SLC17A2: variants seen among roughly 807,000 people sequenced by gnomAD.
The protein encoded by SLC17A2 is solute carrier family 17 member 2, also known as sodium-dependent phosphate transport protein 3.
SLC17A2 carries 38 observed loss-of-function variants against 52.1 expected under a neutral mutation model. The ratio of observed to expected loss-of-function variants is 0.73; its 90% confidence interval spans 0.56 to 0.96. SLC17A2 has a LOEUF of 0.96. Among genes scored for constraint, SLC17A2 ranks in the 40% least tolerant of loss-of-function variants. The pLI is 0.00. For synonymous variants in SLC17A2, 226 were observed against 211.9 expected, an observed-to-expected ratio of 1.07 and a Z score of -0.58; for missense variants, 508 against 583.9, an observed-to-expected ratio of 0.87 and a Z score of 1.34.
intron 1 of SLC17A2, 149 bp from the exon 2 acceptor site, chr6:25,926,028 G>A: frequency 1.7e-6 from 1 of 596,288 alleles, no homozygotes; most frequent in Non-Finnish European, 3.0e-6. Context: ...TTGGTTACAG[G>A]ATTGTTAAAA....
intron 5 of SLC17A2, among the ~76,000 whole-genome samples, chr6:25,919,341 A>G (rs1385813023): frequency 1.3e-5 from 2 of 152,210 alleles, no homozygotes; most frequent in Non-Finnish European, 2.9e-5. Context: ...AAAAAGATGT[A>G]AAATATAAAT....
Position 25,930,408 on chromosome 6 carries a change from T to C in SLC17A2, c.-215A>G, listed in dbSNP as rs1433562306. 1 of 152,230 alleles carries C rather than the reference T, an allele frequency of 6.6e-6. No individual in the cohort carries two copies. Among genetic ancestry groups the C allele is most frequent in the Non-Finnish European group, 1.5e-5 (1 of 68,038 alleles). 9.4% of individuals were successfully genotyped at this position (152,230 alleles called of 1,614,324 possible). ...CTCTTCATTTTGGAATTAGGCAATA[T>C]TACCAGATGGAGATCCTTATGTTGC... On this transcript the variant is annotated 5_prime_UTR_variant, in exon 1 of 12. Transcript: ENST00000377850.
intron 2 of SLC17A2, among the ~76,000 whole-genome samples, chr6:25,924,505 A>G (rs900517553): frequency 2.0e-5 from 3 of 151,564 alleles, no homozygotes; most frequent in African/African-American, 7.3e-5. Context: ...CATATGTTCA[A>G]CTTAAAAAAA....
intron 1 of SLC17A2, among the ~76,000 whole-genome samples, chr6:25,928,461 C>A (rs1018285503): frequency 6.6e-6 from 1 of 151,994 alleles, no homozygotes; most frequent in Non-Finnish European, 1.5e-5. Context: ...TATCACAAAC[C>A]CATCACTTTA....
chr6:25,924,369 G>T (rs940836453), intron 2 of SLC17A2, among the ~76,000 whole-genome samples: 1 of 152,254 alleles, frequency 6.6e-6, no homozygotes, highest in Middle Eastern at 3.4e-3. Flanking sequence ...TTAAGGTATT[G>T]CACATCCAAG....
In SLC17A2 at chr6:25,915,731, C is replaced by A; in HGVS notation, c.1063+5G>T. On this transcript the variant is annotated splice_donor_5th_base_variant and intron_variant, in intron 9 of 11. Coordinates refer to ENST00000377850, the MANE Select transcript of SLC17A2 (RefSeq NM_001286123.3). ...GGTTAAATGGGCCCACACGCTTATC[C>A]TTACCAAGAGATGAAAAGAGCTTTC... The A allele has an allele frequency of 6.2e-7, 1 of 1,613,904 alleles. No homozygotes were observed. The highest frequency in any genetic ancestry group is 1.7e-5 in the Admixed American group (1 of 59,976).
chr6:25,924,178 T>C (rs1766668219), intron 2 of SLC17A2, among the ~76,000 whole-genome samples: 1 of 152,122 alleles, frequency 6.6e-6, no homozygotes, highest in Non-Finnish European at 1.5e-5. Flanking sequence ...AACCCACATG[T>C]AAGGCATTTA....
Position 25,915,177 on chromosome 6 carries a change from A to ATATATATATATATATATATATATG in SLC17A2, c.1211+321_1211+322insCATATATATATATATATATATATA, listed in dbSNP as rs1554137783. ...TATATATATATATATATATATATATATGGTAGCTAATATGAACAACACCAT... is the reference window on the plus strand; with the variant it reads ...TATATATATATATATATATATATATATATATATATATATATATATATATGTGGTAGCTAATATGAACAACACCAT... On this transcript the variant is annotated intron_variant, in intron 10 of 11. Coordinates refer to ENST00000377850, the MANE Select transcript of SLC17A2 (RefSeq NM_001286123.3). 8.4e-3 allele frequency among the ~76,000 whole-genome samples: 908 copies of ATATATATATATATATATATATATG among 107,884 alleles called. 110 individuals are homozygous for ATATATATATATATATATATATATG. Among genetic ancestry groups the ATATATATATATATATATATATATG allele is most frequent in the Non-Finnish European group, 0.014 (665 of 49,182 alleles). 70.8% of individuals were successfully genotyped at this position (107,884 alleles called of 152,430 possible).
intron 1 of SLC17A2, among the ~76,000 whole-genome samples, chr6:25,927,562 C>T (rs1766810391): frequency 6.6e-6 from 1 of 152,140 alleles, no homozygotes; most frequent in Admixed American, 6.6e-5. Context: ...TTAGTAGATA[C>T]TCATTTTATA....
chr6:25,921,516 G>C, intron 3 of SLC17A2, 104 bp from the exon 4 acceptor site: 1 of 733,164 alleles, frequency 1.4e-6, no homozygotes, highest in Non-Finnish European at 2.2e-6. Context: ...ATAAAATATT[G>C]ATTTTTGTTT....
chr6:25,924,048 C>T (rs1766662737), intron 2 of SLC17A2, 142 bp from the exon 3 acceptor site: 1 of 662,118 alleles, frequency 1.5e-6, no homozygotes, highest in East Asian at 2.7e-5. Context: ...GCCAGCACTA[C>T]AAACCCACTT....
At position 25,918,529 on chromosome 6, in the gene SLC17A2, T is replaced by C. The variant is rs1186524036; in HGVS notation, c.607A>G (p.Ile203Val). The C allele has an allele frequency of 6.2e-7, 1 of 1,613,766 alleles. No individual in the cohort carries two copies. Among genetic ancestry groups the C allele is most frequent in the South Asian group, 1.1e-5 (1 of 91,064 alleles). Residue 203 changes from isoleucine (I) to valine (V), a missense_variant, in exon 6 of 12, where the codon ATC (isoleucine) becomes GTC (valine). Coordinates refer to ENST00000377850, the MANE Select transcript of SLC17A2 (RefSeq NM_001286123.3). Reference sequence around the variant, plus strand: ...AAAGGCCAGCTCAAGGCCTGTGAGATTAGTCCCCCCACACAGAGGATGATG... The same window carrying C: ...AAAGGCCAGCTCAAGGCCTGTGAGACTAGTCCCCCCACACAGAGGATGATG... ...SFIILCVGGL[I>V]SQALSWPFIF...
At chr6:25,916,911 T>C (rs370378494) in intron 7 of SLC17A2, 58 bp downstream of exon 7, 1 of 1,608,214 alleles carries the variant, frequency 6.2e-7, no homozygotes, top group African/African-American at 1.3e-5. Flanking sequence ...TCAGAGGAGA[T>C]CCACACCCTG....
chr6:25,913,236 TG>T lies in SLC17A2; in HGVS notation c.*80del. On this transcript the variant is annotated 3_prime_UTR_variant, in exon 12 of 12. Coordinates refer to ENST00000377850, the MANE Select transcript of SLC17A2 (RefSeq NM_001286123.3). The stretch of plus-strand genomic sequence containing the variant: ...CCAGAGTTAAGAACTGCTGAGTCTA[TG>T]GTCAGGAATATGGAGAGAAGTAAAA... 1 of 1,474,848 alleles carries T rather than the reference TG, an allele frequency of 6.8e-7. No homozygotes were observed. The highest frequency in any genetic ancestry group is 9.5e-7 in the Non-Finnish European group (1 of 1,055,110). The allele number at this position is 1,474,848 out of a possible 1,614,324, so 91.4% of individuals were successfully genotyped here. A position where few individuals can be genotyped will look rare whatever the true frequency, so the allele number is the denominator to read the frequency against.
rs1441484058 is a variant in SLC17A2 at position 25,923,698 on chromosome 6, T to C, written c.237A>G (p.Thr79=). Residue 79 remains threonine, a synonymous_variant, in exon 3 of 12, where the codon ACA becomes ACG. Transcript: ENST00000377850. ...NSSISIKEFD[T]KASVYQWSPE... ...CCCTATTTTCCATCATACTTACCTT[T>C]GTATCAAATTCCTTGATGGATATGC... The C allele has an allele frequency of 6.2e-7, 1 of 1,613,296 alleles. No individual in the cohort carries two copies. The highest frequency in any genetic ancestry group is 8.5e-7 in the Non-Finnish European group (1 of 1,179,268).
In SLC17A2 at chr6:25,916,766, G is replaced by GA. The variant is rs1037820299; in HGVS notation, c.848dup (p.Ser284GlnfsTer24). 29 of 1,614,046 alleles carry GA rather than the reference G, an allele frequency of 1.8e-5. No homozygotes were observed. Among genetic ancestry groups the GA allele is most frequent in the Non-Finnish European group, 2.5e-5 (29 of 1,179,932 alleles). Reference sequence around the variant, plus strand: ...TGATGGTGCACAACCAGAAATGGCTGAAAAAACCCAGGAAAATGGCCCAAA... The same window carrying GA: ...TGATGGTGCACAACCAGAAATGGCTGAAAAAAACCCAGGAAAATGGCCCAAA... On this transcript the variant is annotated frameshift_variant, in exon 8 of 12. Transcript: ENST00000377850. LOFTEE classifies it high-confidence loss of function.
chr6:25,915,857 C>G lies in SLC17A2; in HGVS notation c.942G>C (p.Leu314=). The change falls in exon 9 of 12, where the codon CTG becomes CTC. Residue 314 remains leucine (L), a synonymous_variant. Transcript: ENST00000377850. ...LHVNIRDSGV[L]SSLPFIAAAS... is the part of the protein sequence containing the mutation. ...CAGCAGCAATAAAAGGCAGGGAGGA[C>G]AGAACTCCACTCTGAAGGAAGGAAG... 6.2e-7 allele frequency: 1 copy of G among 1,613,570 alleles called. No individual in the cohort carries two copies. Among genetic ancestry groups the G allele is most frequent in the Non-Finnish European group, 8.5e-7 (1 of 1,179,822 alleles).
intron 5 of SLC17A2, among the ~76,000 whole-genome samples, 159 bp from the exon 6 acceptor site, chr6:25,918,732 T>C (rs1766424412): frequency 1.3e-5 from 2 of 152,224 alleles, no homozygotes; most frequent in African/African-American, 2.4e-5. Flanking sequence ...CCCAGTAAAG[T>C]AATATGATAT....
intron 3 of SLC17A2, among the ~76,000 whole-genome samples, chr6:25,921,626 TAAAG>T (rs1766564884): frequency 2.0e-5 from 3 of 151,942 alleles, no homozygotes; most frequent in African/African-American, 7.3e-5. Context: ...AGAAAAGAGG[TAAAG>T]AAAATGATTA....
Sources: allele counts gnomAD v4.1 joint callset (sites outside exome capture counted in the v4.1 genomes callset), GRCh38; gene constraint gnomAD v4.1.1; transcripts MANE v1.5; gene names NCBI Gene and HGNC (gene_info 2026-07-23, HGNC 2026-07-21).